Variants in TMEM63C observed in about 807,000 individuals in gnomAD.
TMEM63C encodes transmembrane protein 63C.
Under a neutral mutation model 99.2 loss-of-function variants are expected in TMEM63C, and 32 were observed. The observed-to-expected ratio is 0.32, with a 90% CI of 0.24 to 0.43. The LOEUF is 0.43. Among genes scored for constraint, TMEM63C ranks in the 20% least tolerant of loss-of-function variants. TMEM63C has a pLI of 1.00. For synonymous variants in TMEM63C, 376 were observed against 397.9 expected, an observed-to-expected ratio of 0.94 and a Z score of 0.66; for missense variants, 826 against 1,053.0, an observed-to-expected ratio of 0.78 and a Z score of 2.98.
At position 77,248,526 on chromosome 14, in the gene TMEM63C, C is replaced by T. The variant is rs779829745; in HGVS notation, c.1764+17C>T. ...ATCAGAAAGGTACAGACTGGCTCTCCGCTGAGCACAGCCCTCAGTTTCCTT... is the reference window on the plus strand; with the variant it reads ...ATCAGAAAGGTACAGACTGGCTCTCTGCTGAGCACAGCCCTCAGTTTCCTT... On this transcript the variant is annotated intron_variant, in intron 19 of 23. Transcript: ENST00000298351. 43 of 1,570,200 alleles carry T rather than the reference C, an allele frequency of 2.7e-5. No homozygotes were observed. Among genetic ancestry groups the T allele is most frequent in the Admixed American group, 1.7e-4 (9 of 53,160 alleles).
chr14:77,251,353 C>A (rs980697890), intron 21 of TMEM63C, among the ~76,000 whole-genome samples: 2 of 152,200 alleles, frequency 1.3e-5, no homozygotes, highest in African/African-American at 2.4e-5. Context: ...ATGTAGGTGA[C>A]TTTTACCTTC....
intron 1 of TMEM63C, among the ~76,000 whole-genome samples, chr14:77,185,149 TGTCCTGGGCTCCC>T (rs1331809624): frequency 7.2e-5 from 11 of 152,166 alleles, no homozygotes; most frequent in African/African-American, 2.7e-4. Flanking sequence ...AGGACCCAAG[TGTCCTGGGCTCCC>T]ACCTTCTGCT....
chr14:77,216,944 T>C (rs1176829972), intron 2 of TMEM63C, among the ~76,000 whole-genome samples: 1 of 152,156 alleles, frequency 6.6e-6, no homozygotes, highest in Non-Finnish European at 1.5e-5. Flanking sequence ...GGCAGGAGAA[T>C]CACTTGAATT....
intron 16 of TMEM63C, among the ~76,000 whole-genome samples, chr14:77,245,514 A>G (rs1473878875): frequency 6.6e-6 from 1 of 152,238 alleles, no homozygotes; most frequent in Non-Finnish European, 1.5e-5. Context: ...CTCTGCTGAT[A>G]AAGACATACT....
chr14:77,237,405 C>T (rs1056181739), intron 9 of TMEM63C, among the ~76,000 whole-genome samples: 5 of 152,082 alleles, frequency 3.3e-5, no homozygotes, highest in African/African-American at 1.2e-4. Context: ...ATGAGTAGCG[C>T]TTGTTTATGG....
At chr14:77,251,380 G>T (rs1889357271) in intron 21 of TMEM63C, among the ~76,000 whole-genome samples, 1 of 152,146 alleles carries the variant, frequency 6.6e-6, no homozygotes, top group Non-Finnish European at 1.5e-5. Flanking sequence ...CCCTCTCTGT[G>T]CCATCGGTGC....
intron 1 of TMEM63C, among the ~76,000 whole-genome samples, chr14:77,194,188 C>T (rs1001598141): frequency 6.6e-6 from 1 of 152,124 alleles, no homozygotes; most frequent in South Asian, 2.1e-4. Context: ...TTCAGTGGAA[C>T]ACTATGAGCT....
chr14:77,224,179 TG>T (rs1279365123), intron 5 of TMEM63C, among the ~76,000 whole-genome samples: 1 of 151,994 alleles, frequency 6.6e-6, no homozygotes, highest in East Asian at 2.0e-4. Context: ...ACTTAGAAGG[TG>T]GGACTTATGC....
At chr14:77,250,508 C>T (rs903479058) in intron 21 of TMEM63C, among the ~76,000 whole-genome samples, 49 of 151,150 alleles carry the variant, frequency 3.2e-4, no homozygotes, top group Non-Finnish European at 5.7e-4. Flanking sequence ...GGCCTGATCT[C>T]GACCCACTGC....
chr14:77,182,911 G>A (rs2540896), intron 1 of TMEM63C, among the ~76,000 whole-genome samples: 77,409 of 151,850 alleles, frequency 0.51, 20,175 homozygotes, highest in Admixed American at 0.61. Flanking sequence ...ACAGCCTGCA[G>A]CGCTCCAGGA....
chr14:77,239,778 G>A (rs376784115), intron 12 of TMEM63C, 52 bp downstream of exon 12: 6 of 1,594,386 alleles, frequency 3.8e-6, no homozygotes, highest in Non-Finnish European at 5.1e-6. Flanking sequence ...GGGTCCTGGG[G>A]CTCTAGGCTC....
chr14:77,254,113 G>T (rs1208550762), intron 23 of TMEM63C, among the ~76,000 whole-genome samples: 1 of 152,228 alleles, frequency 6.6e-6, no homozygotes, highest in Admixed American at 6.5e-5. Flanking sequence ...CCAGGAATGG[G>T]CATACGGGGT....
chr14:77,225,035 A>G (rs2140113998), intron 5 of TMEM63C, among the ~76,000 whole-genome samples: 1 of 152,294 alleles, frequency 6.6e-6, no homozygotes, highest in Non-Finnish European at 1.5e-5. Context: ...CACTGGAGGC[A>G]AACTCCCACT....
intron 5 of TMEM63C, among the ~76,000 whole-genome samples, chr14:77,223,239 A>G (rs1449205201): frequency 6.6e-6 from 1 of 152,170 alleles, no homozygotes; most frequent in Non-Finnish European, 1.5e-5. Flanking sequence ...AAAAAGTTTT[A>G]TTTTTAAAAA....
chr14:77,222,815 T>C (rs1472918846), intron 5 of TMEM63C, among the ~76,000 whole-genome samples: 1 of 152,212 alleles, frequency 6.6e-6, no homozygotes, highest in African/African-American at 2.4e-5. Flanking sequence ...TCTCTTGTTA[T>C]ATAGCCACAG....
intron 1 of TMEM63C, among the ~76,000 whole-genome samples, chr14:77,185,038 G>A (rs140793365): frequency 2.4e-4 from 36 of 152,300 alleles, no homozygotes; most frequent in African/African-American, 7.9e-4. Context: ...CAGAGTGGGC[G>A]GGGAAGGGGC....
intron 1 of TMEM63C, among the ~76,000 whole-genome samples, chr14:77,199,432 C>A (rs1888261531): frequency 6.6e-6 from 1 of 152,220 alleles, no homozygotes; most frequent in South Asian, 2.1e-4. Flanking sequence ...GTTATCTCAC[C>A]AGACCCTTCT....
At chr14:77,226,508 C>T (rs145384466) in intron 6 of TMEM63C, among the ~76,000 whole-genome samples, 194 of 152,260 alleles carry the variant, frequency 1.3e-3, no homozygotes, top group Admixed American at 4.4e-3. Flanking sequence ...GCTGTGCAGA[C>T]GGCATGTGGG....
At chr14:77,249,256 G>T in intron 20 of TMEM63C, 35 bp from the exon 21 acceptor site, 1 of 1,609,416 alleles carries the variant, frequency 6.2e-7, no homozygotes. Context: ...AGACTTGAAG[G>T]GGCCACTGAG....
Sources: allele counts gnomAD v4.1 joint callset (sites outside exome capture counted in the v4.1 genomes callset), GRCh38; gene constraint gnomAD v4.1.1; transcripts MANE v1.5; gene names NCBI Gene and HGNC (gene_info 2026-07-23, HGNC 2026-07-21).